ZNF804B: variants seen among roughly 807,000 people sequenced by gnomAD.
The protein encoded by ZNF804B is zinc finger protein 804B, also known as zinc finger 804B.
ZNF804B carries 80 observed loss-of-function variants against 101.4 expected under a neutral mutation model. The observed-to-expected ratio is 0.79, with a 90% CI of 0.66 to 0.95. The LOEUF (loss-of-function observed/expected upper bound fraction) is 0.95. ZNF804B is among the 40% of genes least tolerant of loss of function. The probability of loss-of-function intolerance (pLI) is 0.00; values close to 1 mark genes in which losing one functional copy is unlikely to be tolerated. For missense variants in ZNF804B, 1,673 were observed against 1,561.9 expected, an observed-to-expected ratio of 1.07 and a Z score of -1.20; for synonymous variants, 622 against 558.8, an observed-to-expected ratio of 1.11 and a Z score of -1.59.
At chr7:88,791,468 A>G (rs1015718354) in intron 1 of ZNF804B, among the ~76,000 whole-genome samples, 7 of 152,170 alleles carry the variant, frequency 4.6e-5, no homozygotes, top group African/African-American at 1.7e-4. Flanking sequence ...CAGCAATTTT[A>G]TCGTTGAGAG....
At chr7:89,056,225 C>G (rs1461952449) in intron 1 of ZNF804B, among the ~76,000 whole-genome samples, 21 of 151,992 alleles carry the variant, frequency 1.4e-4, no homozygotes, top group Admixed American at 1.4e-3. Flanking sequence ...CACTTGGTCT[C>G]AAAGATTCCT....
intron 1 of ZNF804B, among the ~76,000 whole-genome samples, chr7:88,861,301 A>G (rs1431125672): frequency 6.6e-6 from 1 of 152,132 alleles, no homozygotes; most frequent in East Asian, 1.9e-4. Flanking sequence ...CTCCCTTAAC[A>G]TTTCCATGGA....
At chr7:89,303,556 C>CA (rs1445793614) in intron 2 of ZNF804B, among the ~76,000 whole-genome samples, 1 of 151,952 alleles carries the variant, frequency 6.6e-6, no homozygotes, top group Non-Finnish European at 1.5e-5. Context: ...AGTTATCCAA[C>CA]ATCTCTTAGC....
At chr7:89,215,883 C>CAAAATAAATAAATAAATAAA (rs1554379473) in intron 1 of ZNF804B, among the ~76,000 whole-genome samples, 28 of 143,160 alleles carry the variant, frequency 2.0e-4, no homozygotes, top group African/African-American at 3.7e-4. Flanking sequence ...GACTCCGTCT[C>CAAAATAAATAAATAAATAAA]TAAATAAATA....
At chr7:89,292,672 A>C (rs1790315007) in intron 2 of ZNF804B, among the ~76,000 whole-genome samples, 1 of 151,364 alleles carries the variant, frequency 6.6e-6, no homozygotes, top group South Asian at 2.1e-4. Flanking sequence ...CCAGAAAACA[A>C]ATTAAAAAAT....
chr7:88,879,713 C>T (rs1361516099), intron 1 of ZNF804B, among the ~76,000 whole-genome samples: 1 of 152,038 alleles, frequency 6.6e-6, no homozygotes, highest in African/African-American at 2.4e-5. Context: ...TTTAAAGCTT[C>T]CCGAGTTAAG....
Position 89,036,841 on chromosome 7 carries a change from A to G in ZNF804B, c.109-181314A>G, listed in dbSNP as rs554980509. 2.0e-5 allele frequency among the ~76,000 whole-genome samples: 3 copies of G among 152,202 alleles called. No individual in the cohort carries two copies. The East Asian group carries it at 5.8e-4, about 29-fold the overall frequency. ...CTGAATTTTTTTGAATAAAGGGCCA[A>G]TATTGTTTGATGACTATGGTAAGGT... On this transcript the variant is annotated intron_variant, in intron 1 of 3. Transcript: ENST00000333190.
At chr7:88,782,471 G>C (rs776822795) in intron 1 of ZNF804B, among the ~76,000 whole-genome samples, 1 of 151,476 alleles carries the variant, frequency 6.6e-6, no homozygotes, top group African/African-American at 2.4e-5. Flanking sequence ...ATGTATATAC[G>C]TGCACATGTA....
chr7:88,920,829 TTAAAA>T (rs1792708724), intron 1 of ZNF804B, among the ~76,000 whole-genome samples: 1 of 152,038 alleles, frequency 6.6e-6, no homozygotes, highest in Non-Finnish European at 1.5e-5. Flanking sequence ...TTAAAAATAA[TTAAAA>T]TAAAAATTAG....
chr7:88,881,865 A>G (rs1792048353), intron 1 of ZNF804B, among the ~76,000 whole-genome samples: 2 of 152,224 alleles, frequency 1.3e-5, no homozygotes, highest in Admixed American at 6.6e-5. Context: ...TGCTTACCCC[A>G]AATGGCCAAG....
At chr7:88,999,512 T>C (rs1788253340) in intron 1 of ZNF804B, among the ~76,000 whole-genome samples, 1 of 152,016 alleles carries the variant, frequency 6.6e-6, no homozygotes, top group Non-Finnish European at 1.5e-5. Flanking sequence ...TAGTCTACTC[T>C]GTCATTTTTC....
chr7:88,768,579 A>G (rs1015374750), intron 1 of ZNF804B, among the ~76,000 whole-genome samples: 2 of 152,162 alleles, frequency 1.3e-5, no homozygotes, highest in Non-Finnish European at 2.9e-5. Context: ...TTAGCTCGGC[A>G]TGGTGGCACG....
chr7:89,287,312 G>A (rs1045825082), intron 2 of ZNF804B, among the ~76,000 whole-genome samples: 2 of 151,984 alleles, frequency 1.3e-5, no homozygotes, highest in African/African-American at 4.8e-5. Flanking sequence ...ATATACATAT[G>A]TATACATACA....
chr7:89,003,808 T>C (rs1313064456), intron 1 of ZNF804B, among the ~76,000 whole-genome samples: 2 of 151,936 alleles, frequency 1.3e-5, no homozygotes, highest in African/African-American at 4.8e-5. Context: ...TCTCTTTTCA[T>C]AGCCACAACA....
chr7:89,215,885 AAATAAAT>A (rs1562918582), intron 1 of ZNF804B, among the ~76,000 whole-genome samples: 15,663 of 135,018 alleles, frequency 0.12, 1,023 homozygotes, highest in Middle Eastern at 0.28. Flanking sequence ...CTCCGTCTCT[AAATAAAT>A]AAATAAATAA....
intron 1 of ZNF804B, among the ~76,000 whole-genome samples, chr7:88,832,439 C>T (rs574148627): frequency 1.8e-4 from 27 of 152,018 alleles, no homozygotes; most frequent in East Asian, 1.4e-3. Flanking sequence ...ATGGAAGATG[C>T]GCATGGCTTG....
chr7:89,191,084 A>G (rs1023244637), intron 1 of ZNF804B, among the ~76,000 whole-genome samples: 1 of 152,136 alleles, frequency 6.6e-6, no homozygotes, highest in Non-Finnish European at 1.5e-5. Flanking sequence ...CTTCATACGA[A>G]TGAATTTTTA....
At chr7:89,320,185 C>T (rs1315475554) in intron 2 of ZNF804B, among the ~76,000 whole-genome samples, 1 of 151,592 alleles carries the variant, frequency 6.6e-6, no homozygotes, top group Admixed American at 6.6e-5. Flanking sequence ...TACCCCAGAA[C>T]TTAAAATATA....
intron 1 of ZNF804B, among the ~76,000 whole-genome samples, chr7:89,013,653 C>T (rs1481422097): frequency 2.0e-5 from 3 of 152,164 alleles, no homozygotes; most frequent in Non-Finnish European, 4.4e-5. Flanking sequence ...TCAATATTCT[C>T]TCTTTAGCTA....
Sources: gnomAD v4.1 joint callset for allele counts (sites outside exome capture counted in the v4.1 genomes callset) on GRCh38, gnomAD v4.1.1 for gene constraint, MANE v1.5 for transcripts, NCBI Gene and HGNC (gene_info 2026-07-23, HGNC 2026-07-21) for gene names.